The following KCNS3 variants were observed in gnomAD, a reference collection of about 807,000 sequenced individuals.
The protein encoded by KCNS3 is delayed-rectifier potassium channel regulatory subunit KCNS3.
A neutral mutation model predicts 31.0 loss-of-function variants in KCNS3; 13 were observed. That is an observed-to-expected ratio of 0.42 (90% confidence interval 0.27 to 0.67). The LOEUF (loss-of-function observed/expected upper bound fraction) is 0.67, where lower values mean the gene tolerates loss of function less well. Ranked by LOEUF, KCNS3 falls within the 30% of genes least tolerant of loss-of-function variation. The pLI is 0.25. For missense variants in KCNS3, 545 were observed against 622.4 expected, an observed-to-expected ratio of 0.88 and a Z score of 1.32; for synonymous variants, 238 against 241.5, an observed-to-expected ratio of 0.99 and a Z score of 0.13.
chr2:17,915,612 C>T (rs1662571725), intron 1 of KCNS3, among the ~76,000 whole-genome samples: 1 of 152,082 alleles, frequency 6.6e-6, no homozygotes, highest in Admixed American at 6.6e-5. Context: ...CTCAATGTCC[C>T]CCATATAAAA....
intron 1 of KCNS3, among the ~76,000 whole-genome samples, chr2:17,884,256 TAAAAA>T (rs34385647): frequency 1.8e-4 from 16 of 86,770 alleles, no homozygotes; most frequent in African/African-American, 5.0e-4. Flanking sequence ...AAAGTATAAT[TAAAAA>T]AAAAAAAATA....
At chr2:17,901,929 C>T (rs528826926) in intron 1 of KCNS3, among the ~76,000 whole-genome samples, 1 of 152,134 alleles carries the variant, frequency 6.6e-6, no homozygotes. Flanking sequence ...GACCGGTGTT[C>T]CCTAGTAGTT....
At chr2:17,905,612 C>G (rs1456782682) in intron 1 of KCNS3, among the ~76,000 whole-genome samples, 1 of 152,076 alleles carries the variant, frequency 6.6e-6, no homozygotes. Context: ...ATAAATAGCT[C>G]TTATTATTTT....
chr2:17,909,629 A>G (rs778570595), intron 1 of KCNS3, among the ~76,000 whole-genome samples: 1 of 152,076 alleles, frequency 6.6e-6, no homozygotes, highest in African/African-American at 2.4e-5. Context: ...GACATTTTAG[A>G]TAGGCTAACT....
At chr2:17,888,670 T>TATAA (rs1558447074) in intron 1 of KCNS3, among the ~76,000 whole-genome samples, 47 of 129,144 alleles carry the variant, frequency 3.6e-4, no homozygotes, top group Non-Finnish European at 5.0e-4. Context: ...TATATATATA[T>TATAA]ATAAAGAAAA....
intron 2 of KCNS3, among the ~76,000 whole-genome samples, chr2:17,926,316 C>T (rs753259291): frequency 6.6e-6 from 1 of 152,202 alleles, no homozygotes; most frequent in Non-Finnish European, 1.5e-5. Flanking sequence ...TCAGTGCAAG[C>T]TGTCAGTGGA....
At chr2:17,880,477 G>A (rs1289321036) in intron 1 of KCNS3, among the ~76,000 whole-genome samples, 5 of 152,160 alleles carry the variant, frequency 3.3e-5, no homozygotes, top group Non-Finnish European at 7.3e-5. Context: ...TCTGAACTAG[G>A]AATTGTCAAT....
intron 1 of KCNS3, among the ~76,000 whole-genome samples, chr2:17,914,125 C>G (rs553119870): frequency 6.6e-6 from 1 of 152,186 alleles, no homozygotes; most frequent in African/African-American, 2.4e-5. Flanking sequence ...CCTCAGGTGT[C>G]CCAGAGCTGA....
chr2:17,882,498 G>A (rs1347273665), intron 1 of KCNS3, among the ~76,000 whole-genome samples: 4 of 152,224 alleles, frequency 2.6e-5, no homozygotes, highest in Admixed American at 6.5e-5. Flanking sequence ...TGGAGCTAGA[G>A]AGCAGAACAG....
intron 1 of KCNS3, among the ~76,000 whole-genome samples, chr2:17,913,099 A>C (rs1662508356): frequency 6.7e-6 from 1 of 149,878 alleles, no homozygotes; most frequent in African/African-American, 2.5e-5. Context: ...CACTAAATCC[A>C]ATTATGGCAG....
chr2:17,879,015 A>G (rs1006275706), intron 1 of KCNS3, among the ~76,000 whole-genome samples: 1 of 152,056 alleles, frequency 6.6e-6, no homozygotes, highest in African/African-American at 2.4e-5. Flanking sequence ...TGGTCCCCAG[A>G]GCCCGCCGTC....
chr2:17,932,514 C>T lies in KCNS3; in HGVS notation c.*30C>T, dbSNP rs758335586. 6 of 1,576,600 alleles carry T rather than the reference C, an allele frequency of 3.8e-6. No homozygotes were observed. The highest frequency in any genetic ancestry group is 5.2e-6 in the Non-Finnish European group (6 of 1,163,386). ...GGGTGTTTGTGCCTGTTTCTCTTAT[C>T]CTTTCCCGACATTAGGTTAACACAG... is the stretch of plus-strand genomic sequence containing the variant. On this transcript the variant is annotated 3_prime_UTR_variant, in exon 3 of 3. Coordinates refer to ENST00000304101, the MANE Select transcript of KCNS3 (RefSeq NM_002252.5).
At chr2:17,886,457 G>C (rs755140755) in intron 1 of KCNS3, among the ~76,000 whole-genome samples, 65 of 151,954 alleles carry the variant, frequency 4.3e-4, no homozygotes, top group Non-Finnish European at 7.1e-4. Context: ...TTTTTTTTGT[G>C]GGTTTTTAAG....
intron 1 of KCNS3, among the ~76,000 whole-genome samples, chr2:17,890,399 A>ATTTTTTTTTTTTTTTTTTTTTT (rs55788100): frequency 6.7e-6 from 1 of 148,824 alleles, no homozygotes. Context: ...TATCTTTTGT[A>ATTTTTTTTTTTTTTTTTTTTTT]TTTTTTTTTT....
chr2:17,892,284 G>GTTT (rs34573286), intron 1 of KCNS3, among the ~76,000 whole-genome samples: 1 of 148,424 alleles, frequency 6.7e-6, no homozygotes, highest in Non-Finnish European at 1.5e-5. Context: ...AATTTTTATT[G>GTTT]TTTTTTTTTT....
At chr2:17,906,273 A>G (rs1227344820) in intron 1 of KCNS3, among the ~76,000 whole-genome samples, 6 of 152,110 alleles carry the variant, frequency 3.9e-5, no homozygotes, top group African/African-American at 1.4e-4. Context: ...ATTCTCTGAT[A>G]CTAGTTTGTA....
intron 1 of KCNS3, among the ~76,000 whole-genome samples, chr2:17,908,164 T>G (rs1012515692): frequency 3.9e-5 from 6 of 152,218 alleles, no homozygotes; most frequent in African/African-American, 1.4e-4. Flanking sequence ...CATTTCTCTT[T>G]ACTCTTTTTT....
chr2:17,926,994 C>G (rs1287062476), intron 2 of KCNS3, among the ~76,000 whole-genome samples: 1 of 152,148 alleles, frequency 6.6e-6, no homozygotes, highest in Non-Finnish European at 1.5e-5. Flanking sequence ...CAATTTCAAA[C>G]GATCTTTTGT....
chr2:17,914,393 C>T (rs1051491327), intron 1 of KCNS3, among the ~76,000 whole-genome samples: 21 of 152,138 alleles, frequency 1.4e-4, no homozygotes, highest in African/African-American at 4.6e-4. Context: ...ACTCCGAGGT[C>T]TTGACATTCA....
Sources: allele counts gnomAD v4.1 joint callset (sites outside exome capture counted in the v4.1 genomes callset), GRCh38; gene constraint gnomAD v4.1.1; transcripts MANE v1.5; gene names NCBI Gene and HGNC (gene_info 2026-07-23, HGNC 2026-07-21).